The following CYP3A4 variants were observed in gnomAD, a reference collection of about 807,000 sequenced individuals.
CYP3A4 encodes cytochrome P450 family 3 subfamily A member 4, also known as cytochrome P450 3A4.
In CYP3A4, 41 loss-of-function variants were observed where a neutral mutation model predicts 54.9. That is an observed-to-expected ratio of 0.75 (90% CI 0.58 to 0.97). CYP3A4 has a LOEUF of 0.97. Ranked by LOEUF, CYP3A4 falls within the 50% of genes least tolerant of loss-of-function variation. CYP3A4 has a pLI of 0.00. For missense variants in CYP3A4, 510 were observed against 597.3 expected (o/e 0.85, Z 1.52); for synonymous variants, 179 against 205.2 (o/e 0.87, Z 1.09).
chr7:99,769,520 C>A (rs1480093851), intron 6 of CYP3A4: 1 of 508,204 alleles, frequency 2.0e-6, no homozygotes, highest in East Asian at 3.7e-5. Flanking sequence ...TCTAGAATAT[C>A]CAAGGTGACA....
chr7:99,781,078 C>T (rs776089124), intron 1 of CYP3A4, among the ~76,000 whole-genome samples: 3 of 152,126 alleles, frequency 2.0e-5, no homozygotes, highest in Admixed American at 1.3e-4. Flanking sequence ...CACACCATCC[C>T]GCCTTAGGTG....
chr7:99,758,357 A>G, intron 12 of CYP3A4, 129 bp from the exon 13 acceptor site: 1 of 1,043,614 alleles, frequency 9.6e-7, no homozygotes. Flanking sequence ...ATCTCTATGG[A>G]GTAATGGGCA....
At chr7:99,760,602 G>A (rs1315860656) in intron 12 of CYP3A4, among the ~76,000 whole-genome samples, 3 of 152,216 alleles carry the variant, frequency 2.0e-5, no homozygotes, top group African/African-American at 7.2e-5. Flanking sequence ...ATTATGCCAT[G>A]CTAATCTACA....
chr7:99,768,424 T>C lies in CYP3A4; in HGVS notation c.600A>G (p.Gln200=), dbSNP rs113667357. The C allele has an allele frequency of 1.1e-5, 17 of 1,614,110 alleles. No homozygotes were observed. In the East Asian group the frequency reaches 1.6e-4, roughly 15 times the overall value. ...TCTTGGTGTTTTCCACAAAGGGGTC[T>C]TGTGGATTGTTGAGAGAGTCGATGT... is the stretch of plus-strand genomic sequence containing the variant. ...GVNIDSLNNP[Q]DPFVENTKKL... The change falls in exon 7 of 13, where the codon CAA becomes CAG. Residue 200 remains glutamine (Q), a synonymous_variant. Transcript: ENST00000651514.
intron 7 of CYP3A4, 62 bp downstream of exon 7, chr7:99,768,292 C>T: frequency 6.6e-7 from 1 of 1,514,602 alleles, no homozygotes; most frequent in Non-Finnish European, 9.1e-7. Flanking sequence ...TGATTTATAT[C>T]TCAATAAAGC....
chr7:99,769,910 GA>G, intron 5 of CYP3A4, 54 bp from the exon 6 acceptor site: 1 of 1,612,414 alleles, frequency 6.2e-7, no homozygotes. Flanking sequence ...TCTAGTCCCA[GA>G]AGGACATGGC....
chr7:99,763,600 GT>G (rs1226797853), intron 10 of CYP3A4, among the ~76,000 whole-genome samples: 2 of 152,154 alleles, frequency 1.3e-5, no homozygotes, highest in Non-Finnish European at 2.9e-5. Context: ...GTTTTTGGAG[GT>G]TTTTTACTTA....
intron 1 of CYP3A4, 188 bp from the exon 2 acceptor site, chr7:99,780,273 G>C: frequency 3.3e-6 from 2 of 598,328 alleles, no homozygotes; most frequent in Non-Finnish European, 5.8e-6. Flanking sequence ...TCCACCATGA[G>C]ACACCAAAAA....
At chr7:99,773,375 C>A (rs1012641129) in intron 3 of CYP3A4, among the ~76,000 whole-genome samples, 10 of 152,154 alleles carry the variant, frequency 6.6e-5, no homozygotes, top group African/African-American at 2.4e-4. Context: ...ATCTCCACCC[C>A]AAATTAACAG....
In CYP3A4 at chr7:99,767,121, C is replaced by T. The variant is rs775030304; in HGVS notation, c.798+10G>A. ...CTAAACATCCTCCTATAACTACCAC[C>T]ACATTTTACCTTTTGTGTATCTTCG... On this transcript the variant is annotated intron_variant, in intron 8 of 12. Coordinates refer to ENST00000651514, the MANE Select transcript of CYP3A4 (RefSeq NM_017460.6). 2 of 1,606,440 alleles carry T rather than the reference C, an allele frequency of 1.2e-6. No individual in the cohort carries two copies. The highest frequency in any genetic ancestry group is 2.7e-5 in the African/African-American group (2 of 74,406).
rs4646438 is a variant in CYP3A4, at chr7:99,766,411, G to GT, written c.830dup (p.Asp277GlufsTer9). The GT allele has an allele frequency of 8.6e-5, 138 of 1,613,722 alleles. No individual in the cohort carries two copies. In the East Asian group the frequency reaches 2.1e-3, roughly 24 times the overall value. On this transcript the variant is annotated frameshift_variant, in exon 9 of 13. Transcript: ENST00000651514. LOFTEE classifies it high-confidence loss of function. ...ACTCAGTTTCTTTTGAATTCTGAGA[G>GT]TCAATCATCAGCTGAAGGAAATCCA... is the stretch of plus-strand genomic sequence containing the variant.
At chr7:99,777,795 G>A (rs748546941) in intron 3 of CYP3A4, among the ~76,000 whole-genome samples, 1 of 152,124 alleles carries the variant, frequency 6.6e-6, no homozygotes, top group Non-Finnish European at 1.5e-5. Flanking sequence ...GAGCCTCTTT[G>A]TCTTGCTTTA....
Position 99,763,873 on chromosome 7 carries a change from A to C in CYP3A4, c.1008T>G (p.Asp336Glu), listed in dbSNP as rs780254790. ...CACTCACCTTATTGGGTAAAACTGCATCAATTTCCTCCTGCAGTTTCTGCT... is the reference window on the plus strand; with the variant it reads ...CACTCACCTTATTGGGTAAAACTGCCTCAATTTCCTCCTGCAGTTTCTGCT... ...DVQQKLQEEI[D>E]AVLPNKAPPT... The change falls in exon 10 of 13, where the codon GAT becomes GAG. Residue 336 changes from aspartate (D) to glutamate (E), a missense_variant. By Grantham distance (45) the Asp-to-Glu change is conservative. Transcript: ENST00000651514. 1.2e-5 allele frequency: 19 copies of C among 1,614,028 alleles called. No individual in the cohort carries two copies. Among genetic ancestry groups the C allele is most frequent in the Non-Finnish European group, 8.5e-7 (1 of 1,179,978 alleles).
At chr7:99,760,329 C>T (rs1013592493) in intron 12 of CYP3A4, among the ~76,000 whole-genome samples, 1 of 152,130 alleles carries the variant, frequency 6.6e-6, no homozygotes, top group Non-Finnish European at 1.5e-5. Context: ...TAAAGCCACA[C>T]TCTGGGCAAA....
At chr7:99,772,744 A>T (rs1815666775) in intron 3 of CYP3A4, 55 bp from the exon 4 acceptor site, 5 of 1,583,328 alleles carry the variant, frequency 3.2e-6, no homozygotes, top group Non-Finnish European at 4.3e-6. Flanking sequence ...CTACAGCTGG[A>T]GCCCAACCCA....
rs535322773 is a variant in CYP3A4, at chr7:99,779,976, G to A, written c.165+16C>T. On this transcript the variant is annotated intron_variant, in intron 2 of 12. Coordinates refer to ENST00000651514, the MANE Select transcript of CYP3A4 (RefSeq NM_017460.6). Reference sequence around the variant, plus strand: ...GCAATCATAAGAAGCAAAAGAGTGAGCTCAAAAACACTCACCTTATGGTAG... The same window carrying A: ...GCAATCATAAGAAGCAAAAGAGTGAACTCAAAAACACTCACCTTATGGTAG... The A allele has an allele frequency of 1.2e-6, 2 of 1,604,058 alleles. No homozygotes were observed. Among genetic ancestry groups the A allele is most frequent in the East Asian group, 2.2e-5 (1 of 44,692 alleles).
Position 99,781,284 on chromosome 7 carries a change from T to A in CYP3A4, c.72-1199A>T, listed in dbSNP as rs147020143. On this transcript the variant is annotated intron_variant, in intron 1 of 12. Transcript: ENST00000651514. ...GCTTTCTGTACAGCCTGCAGAACCATGAGACAATTAAATCCCTTTTCTTTA... is the reference window on the plus strand; with the variant it reads ...GCTTTCTGTACAGCCTGCAGAACCAAGAGACAATTAAATCCCTTTTCTTTA... 3.9e-3 allele frequency among the ~76,000 whole-genome samples: 590 copies of A among 152,324 alleles called. 5 individuals carry two copies. Among genetic ancestry groups the A allele is most frequent in the Middle Eastern group, 0.014 (4 of 294 alleles).
At chr7:99,782,710 G>A (rs1815957669) in intron 1 of CYP3A4, among the ~76,000 whole-genome samples, 1 of 152,118 alleles carries the variant, frequency 6.6e-6, no homozygotes, top group Non-Finnish European at 1.5e-5. Context: ...GATCCTACCT[G>A]GATGCTTTTG....
chr7:99,759,830 A>G (rs1321352594), intron 12 of CYP3A4, among the ~76,000 whole-genome samples: 1 of 148,704 alleles, frequency 6.7e-6, no homozygotes, highest in Non-Finnish European at 1.5e-5. Context: ...AATGAGGAGA[A>G]AGGGAACAAC....
Sources: allele counts gnomAD v4.1 joint callset (sites outside exome capture counted in the v4.1 genomes callset), GRCh38; gene constraint gnomAD v4.1.1; transcripts MANE v1.5; gene names NCBI Gene and HGNC (gene_info 2026-07-23, HGNC 2026-07-21).